Variants in TRAPPC9 observed in about 807,000 individuals in gnomAD.
TRAPPC9 encodes IKK2 binding protein.
A neutral mutation model predicts 124.0 loss-of-function variants in TRAPPC9; 83 were observed. That is an observed-to-expected ratio of 0.67 (90% CI 0.56 to 0.80). TRAPPC9 has a LOEUF of 0.80. Ranked by LOEUF, TRAPPC9 falls within the 30% of genes least tolerant of loss-of-function variation. The pLI is 0.00. For missense variants in TRAPPC9, 1,302 were observed against 1,508.3 expected (o/e 0.86, Z 2.27); for synonymous variants, 638 against 617.5 (o/e 1.03, Z -0.49).
At chr8:140,381,998 T>C (rs1471853566) in intron 7 of TRAPPC9, among the ~76,000 whole-genome samples, 1 of 152,234 alleles carries the variant, frequency 6.6e-6, no homozygotes, top group African/African-American at 2.4e-5. Flanking sequence ...CCACAAAACT[T>C]TGTTCCCACA....
At chr8:140,457,761 C>A (rs2071742309), upstream of TRAPPC9, 1 of 999,894 alleles carries the variant, frequency 1.0e-6, no homozygotes, top group African/African-American at 1.7e-5. Context: ...CGAGCCGGCG[C>A]TGCTCCTGCG....
At chr8:139,832,210 G>A (rs1002758719) in intron 21 of TRAPPC9, among the ~76,000 whole-genome samples, 2 of 152,206 alleles carry the variant, frequency 1.3e-5, no homozygotes, top group Non-Finnish European at 1.5e-5. Context: ...TACCCTGTGA[G>A]TGCACTTTCT....
chr8:139,938,566 T>C (rs970261018), intron 19 of TRAPPC9, among the ~76,000 whole-genome samples: 1 of 151,654 alleles, frequency 6.6e-6, no homozygotes, highest in Non-Finnish European at 1.5e-5. Flanking sequence ...ATTACAGGCA[T>C]GAGCCACTGT....
intron 5 of TRAPPC9, among the ~76,000 whole-genome samples, chr8:140,407,428 G>C (rs967532768): frequency 6.6e-6 from 1 of 151,772 alleles, no homozygotes; most frequent in Non-Finnish European, 1.5e-5. Context: ...ATGGTGGGGG[G>C]GGGCGGGTCA....
chr8:139,996,089 T>C (rs1451471369), intron 18 of TRAPPC9, among the ~76,000 whole-genome samples: 1 of 117,220 alleles, frequency 8.5e-6, no homozygotes, highest in African/African-American at 3.1e-5. Flanking sequence ...CTGACCATAC[T>C]TGAAACAAGT....
At chr8:140,277,914 G>C (rs2065175665) in intron 14 of TRAPPC9, among the ~76,000 whole-genome samples, 1 of 152,190 alleles carries the variant, frequency 6.6e-6, no homozygotes, top group South Asian at 2.1e-4. Context: ...TGTTTAAGGA[G>C]ATGGCCCCTC....
At chr8:140,391,843 A>G (rs2068934381) in intron 7 of TRAPPC9, among the ~76,000 whole-genome samples, 1 of 152,074 alleles carries the variant, frequency 6.6e-6, no homozygotes, top group South Asian at 2.1e-4. Flanking sequence ...CCTGGCCAAC[A>G]TGGTGAAACC....
chr8:139,911,121 G>A (rs544837999), intron 19 of TRAPPC9: 12 of 152,146 alleles, frequency 7.9e-5, no homozygotes, highest in East Asian at 3.9e-4. Flanking sequence ...GGAGGGACGC[G>A]GTGGGAGATA....
At chr8:140,185,331 T>C (rs902260280) in intron 17 of TRAPPC9, among the ~76,000 whole-genome samples, 2 of 152,162 alleles carry the variant, frequency 1.3e-5, no homozygotes, top group African/African-American at 4.8e-5. Flanking sequence ...CAGGCCCACT[T>C]GCACAGAGGA....
At chr8:140,109,472 T>C (rs140682005) in intron 17 of TRAPPC9, among the ~76,000 whole-genome samples, 12 of 152,236 alleles carry the variant, frequency 7.9e-5, no homozygotes, top group African/African-American at 2.9e-4. Flanking sequence ...AAACAGACCA[T>C]GTGGTACAGT....
At chr8:140,419,283 G>T (rs567723997) in intron 5 of TRAPPC9, among the ~76,000 whole-genome samples, 2 of 150,812 alleles carry the variant, frequency 1.3e-5, no homozygotes, top group Admixed American at 1.3e-4. Context: ...AAAAAAATTA[G>T]CCGCGCGTGG....
At position 139,825,568 on chromosome 8, in the gene TRAPPC9, A is replaced by C. The variant is rs1019094797; in HGVS notation, c.3055+60311T>G. 2.0e-5 allele frequency among the ~76,000 whole-genome samples: 3 copies of C among 152,138 alleles called. No homozygotes were observed. The highest frequency in any genetic ancestry group is 7.2e-5 in the African/African-American group (3 of 41,436). Reference sequence around the variant, plus strand: ...GCCCTTAATCCCTTTGGGATCAATTAATGTTCCCAAGAAAAATGGAAATTT... The same window carrying C: ...GCCCTTAATCCCTTTGGGATCAATTCATGTTCCCAAGAAAAATGGAAATTT... On this transcript the variant is annotated intron_variant, in intron 21 of 22. Transcript: ENST00000438773. This position sits in a 1 kb window ranked among gnomAD's most constrained non-coding sequence, Gnocchi z 4.6.
intron 6 of TRAPPC9, among the ~76,000 whole-genome samples, chr8:140,398,962 C>T (rs988491022): frequency 3.9e-5 from 6 of 152,220 alleles, no homozygotes; most frequent in Non-Finnish European, 8.8e-5. Flanking sequence ...TACAGCCTAG[C>T]GACTTGGTGC....
intron 17 of TRAPPC9, among the ~76,000 whole-genome samples, chr8:140,083,918 G>A (rs1844017566): frequency 1.3e-5 from 2 of 152,142 alleles, no homozygotes; most frequent in African/African-American, 4.8e-5. Context: ...GCCCGTCTCA[G>A]CCTCCCAAAG....
At chr8:139,848,558 A>G (rs571779254) in intron 21 of TRAPPC9, among the ~76,000 whole-genome samples, 2 of 152,308 alleles carry the variant, frequency 1.3e-5, no homozygotes, top group South Asian at 4.1e-4. Flanking sequence ...TATATCCAAA[A>G]TCTATGTGTG....
At chr8:139,901,632 T>C (rs533814793) in intron 20 of TRAPPC9, among the ~76,000 whole-genome samples, 1 of 152,190 alleles carries the variant, frequency 6.6e-6, no homozygotes, top group Non-Finnish European at 1.5e-5. Context: ...CATGGGGCGA[T>C]GGGTACCAAT....
chr8:140,447,049 C>T (rs2071287080), intron 2 of TRAPPC9, among the ~76,000 whole-genome samples: 1 of 152,190 alleles, frequency 6.6e-6, no homozygotes, highest in Non-Finnish European at 1.5e-5. Flanking sequence ...AACGTTCGCT[C>T]AGAAGCCCAG....
intron 19 of TRAPPC9, among the ~76,000 whole-genome samples, chr8:139,982,001 T>C (rs1180088413): frequency 6.6e-6 from 1 of 152,210 alleles, no homozygotes; most frequent in Non-Finnish European, 1.5e-5. Flanking sequence ...TCTTAAAGCA[T>C]GTAATGAGAT....
intron 15 of TRAPPC9, among the ~76,000 whole-genome samples, chr8:140,255,612 G>A (rs959445679): frequency 4.6e-5 from 7 of 152,208 alleles, no homozygotes; most frequent in African/African-American, 9.6e-5. Context: ...TGGACCGGGC[G>A]CAGTGACTCA....
Sources: gnomAD v4.1 joint callset for allele counts (sites outside exome capture counted in the v4.1 genomes callset) on GRCh38, gnomAD v4.1.1 for gene constraint, Gnocchi (gnomAD v3.1) non-coding constraint, MANE v1.5 for transcripts, NCBI Gene and HGNC (gene_info 2026-07-23, HGNC 2026-07-21) for gene names.